The following CYB5R3 variants were observed in gnomAD, a reference collection of about 807,000 sequenced individuals.
CYB5R3 encodes cytochrome b5 reductase 3.
In CYB5R3, 28 loss-of-function variants were observed where a neutral mutation model predicts 36.5. The ratio of observed to expected loss-of-function variants is 0.77; its 90% CI spans 0.57 to 1.05. The LOEUF is 1.05. Ranked by LOEUF, CYB5R3 falls within the 50% of genes least tolerant of loss-of-function variation. CYB5R3 has a pLI of 0.00. For synonymous variants in CYB5R3, 181 were observed against 159.8 expected (o/e 1.13, Z -1.00); for missense variants, 474 against 408.9 (o/e 1.16, Z -1.37).
chr22:42,633,690 G>A (rs1928733303), intron 2 of CYB5R3, among the ~76,000 whole-genome samples: 1 of 152,230 alleles, frequency 6.6e-6, no homozygotes, highest in East Asian at 1.9e-4. Flanking sequence ...GGCTGAGGCA[G>A]AAGAATCACT....
Position 42,636,724 on chromosome 22 carries a change from G to A in CYB5R3, c.144C>T (p.Ile48=), listed in dbSNP as rs148403902. ...SPDIKYPLRL[I]DREIISHDTR... Reference sequence around the variant, plus strand: ...GGCGGCCGGCACTCACCTCCCGGTCGATGAGCCGCAGCGGGTACTTGATGT... The same window carrying A: ...GGCGGCCGGCACTCACCTCCCGGTCAATGAGCCGCAGCGGGTACTTGATGT... The change falls in exon 2 of 9, where the codon ATC becomes ATT. Residue 48 remains isoleucine, a synonymous_variant. Transcript: ENST00000352397. The A allele has an allele frequency of 1.1e-4, 183 of 1,612,120 alleles. No individual in the cohort carries two copies. The highest frequency in any genetic ancestry group is 4.0e-4 in the East Asian group (18 of 44,872).
intron 5 of CYB5R3, 115 bp from the exon 6 acceptor site, chr22:42,627,803 AGCT>A: frequency 1.2e-6 from 1 of 826,352 alleles, no homozygotes; most frequent in South Asian, 1.4e-5. Context: ...AGGTAGAGGC[AGCT>A]GCCATTCTAA....
chr22:42,642,937 C>G (rs1395544091), intron 1 of CYB5R3, among the ~76,000 whole-genome samples: 4 of 152,210 alleles, frequency 2.6e-5, no homozygotes, highest in African/African-American at 9.7e-5. Context: ...CTTATCATTA[C>G]CCTACAAGTT....
chr22:42,621,173 A>G (rs939574990), intron 8 of CYB5R3, among the ~76,000 whole-genome samples: 2 of 140,616 alleles, frequency 1.4e-5, no homozygotes, highest in African/African-American at 5.7e-5. Flanking sequence ...TTTCACAGCG[A>G]TTTCTTTTTA....
At chr22:42,637,606 G>A (rs982134093) in intron 1 of CYB5R3, among the ~76,000 whole-genome samples, 2 of 152,104 alleles carry the variant, frequency 1.3e-5, no homozygotes, top group African/African-American at 2.4e-5. Flanking sequence ...CTCAACCTGA[G>A]TGGACCAGGT....
At chr22:42,627,497 C>T in intron 6 of CYB5R3, 108 bp from the exon 7 acceptor site, 3 of 1,462,478 alleles carry the variant, frequency 2.1e-6, no homozygotes, top group South Asian at 2.3e-5. Flanking sequence ...TGGGCCTGGG[C>T]CCCTGACCTC....
intron 4 of CYB5R3, among the ~76,000 whole-genome samples, chr22:42,630,641 T>C (rs891498839): frequency 1.3e-5 from 2 of 152,100 alleles, no homozygotes; most frequent in Admixed American, 6.5e-5. Flanking sequence ...TGCTATTTAC[T>C]CAGAAACCAG....
chr22:42,640,010 C>T, intron 1 of CYB5R3: 2 of 1,613,022 alleles, frequency 1.2e-6, no homozygotes, highest in Non-Finnish European at 1.7e-6. Flanking sequence ...ATCTCTCTGA[C>T]ATAAAACCAC....
chr22:42,631,135 G>A (rs1928594805), intron 3 of CYB5R3, 147 bp from the exon 4 acceptor site: 1 of 833,872 alleles, frequency 1.2e-6, no homozygotes, highest in South Asian at 1.5e-5. Context: ...CCCTCCCGGG[G>A]ATTCCCCTCA....
chr22:42,619,754 G>T lies in CYB5R3; in HGVS notation c.*19C>A. Reference sequence around the variant, plus strand: ...CGTGGGGTGCGCGGGGCGGGTGGCCGTGTGACCGTGCCCGGCCCTCAGAAG... The same window carrying T: ...CGTGGGGTGCGCGGGGCGGGTGGCCTTGTGACCGTGCCCGGCCCTCAGAAG... On this transcript the variant is annotated 3_prime_UTR_variant, in exon 9 of 9. Coordinates refer to ENST00000352397, the MANE Select transcript of CYB5R3 (RefSeq NM_000398.7). The T allele has an allele frequency of 6.4e-7, 1 of 1,555,828 alleles. No individual in the cohort carries two copies. The highest frequency in any genetic ancestry group is 8.7e-7 in the Non-Finnish European group (1 of 1,153,960).
At chr22:42,635,157 G>C (rs1223339826) in intron 2 of CYB5R3, among the ~76,000 whole-genome samples, 1 of 152,074 alleles carries the variant, frequency 6.6e-6, no homozygotes, top group Non-Finnish European at 1.5e-5. Context: ...TTTTAGTAGA[G>C]ATAGGGTTTC....
At position 42,636,727 on chromosome 22, in the gene CYB5R3, G is replaced by A. The variant is rs1928912817; in HGVS notation, c.141C>T (p.Leu47=). The A allele has an allele frequency of 1.2e-6, 2 of 1,612,564 alleles. No individual in the cohort carries two copies. Among genetic ancestry groups the A allele is most frequent in the Non-Finnish European group, 1.7e-6 (2 of 1,179,886 alleles). ...ESPDIKYPLR[L]IDREIISHDT... Reference sequence around the variant, plus strand: ...GGCCGGCACTCACCTCCCGGTCGATGAGCCGCAGCGGGTACTTGATGTCCG... The same window carrying A: ...GGCCGGCACTCACCTCCCGGTCGATAAGCCGCAGCGGGTACTTGATGTCCG... The change falls in exon 2 of 9, where the codon CTC becomes CTT. Residue 47 remains leucine, a synonymous_variant. Transcript: ENST00000352397.
At chr22:42,634,221 C>A (rs924929425) in intron 2 of CYB5R3, among the ~76,000 whole-genome samples, 1 of 150,388 alleles carries the variant, frequency 6.6e-6, no homozygotes, top group African/African-American at 2.4e-5. Context: ...ATTAGCAGGG[C>A]GTGGTGGTGG....
At chr22:42,639,722 T>C (rs1929133686) in intron 1 of CYB5R3, 2 of 473,128 alleles carry the variant, frequency 4.2e-6, no homozygotes, top group Non-Finnish European at 3.8e-6. Flanking sequence ...CGCAAAGGAA[T>C]GTCCTTGTTC....
chr22:42,638,610 G>A (rs999091970), intron 1 of CYB5R3, among the ~76,000 whole-genome samples: 20 of 147,882 alleles, frequency 1.4e-4, no homozygotes, highest in African/African-American at 4.0e-4. Context: ...GCACAGTGGC[G>A]CATGCCTGTA....
intron 2 of CYB5R3, among the ~76,000 whole-genome samples, chr22:42,635,094 C>A (rs1221566065): frequency 1.3e-5 from 2 of 150,630 alleles, no homozygotes; most frequent in Non-Finnish European, 3.0e-5. Context: ...CTCAGCCTCG[C>A]CAGCGGCTGG....
At chr22:42,643,532 C>A (rs1320357744) in intron 1 of CYB5R3, among the ~76,000 whole-genome samples, 1 of 146,836 alleles carries the variant, frequency 6.8e-6, no homozygotes, top group Non-Finnish European at 1.5e-5. Context: ...AAACAAAAGG[C>A]CTCTCTCCCA....
At chr22:42,631,629 C>A in intron 2 of CYB5R3, 179 bp from the exon 3 acceptor site, 2 of 652,884 alleles carry the variant, frequency 3.1e-6, no homozygotes, top group South Asian at 3.5e-5. Flanking sequence ...ATGCACGCTG[C>A]GTGTGAGGTG....
At position 42,649,289 on chromosome 22, in the gene CYB5R3, G is replaced by A. The variant is rs8190370; in HGVS notation, c.21+6C>T. On this transcript the variant is annotated splice_donor_region_variant and intron_variant, in intron 1 of 8. Transcript: ENST00000352397. ...CCCGCGGCCCCGGCGCCCCCTCCCC[G>A]CCTACCGTGCTGAGCTGGGCCCCCA... 3.4e-3 allele frequency: 3,435 copies of A among 1,003,646 alleles called. 88 individuals are homozygous for A. The African/African-American group carries it at 0.055, about 16-fold the overall frequency. The allele number at this position is 1,003,646 out of a possible 1,614,324, so 62.2% of individuals were successfully genotyped here.
Sources: gnomAD v4.1 joint callset for allele counts (sites outside exome capture counted in the v4.1 genomes callset) on GRCh38, gnomAD v4.1.1 for gene constraint, MANE v1.5 for transcripts, NCBI Gene and HGNC (gene_info 2026-07-23, HGNC 2026-07-21) for gene names.